CFH: variants seen among roughly 807,000 people sequenced by gnomAD.
CFH encodes the protein complement factor H.
CFH carries 53 observed loss-of-function variants against 147.3 expected under a neutral mutation model. The ratio of observed to expected loss-of-function variants is 0.36; its 90% confidence interval spans 0.29 to 0.45. The LOEUF is 0.45. Among genes scored for constraint, CFH ranks in the 20% least tolerant of loss-of-function variants. The pLI, the probability that CFH is intolerant of heterozygous loss-of-function variation, is 1.00. For missense variants in CFH, 1,380 were observed against 1,498.0 expected (o/e 0.92, Z 1.30); for synonymous variants, 536 against 489.4 (o/e 1.10, Z -1.26).
chr1:196,673,096 T>G lies in CFH; in HGVS notation c.177T>G (p.Leu59=). 6.2e-7 allele frequency: 1 copy of G among 1,613,986 alleles called. No homozygotes were observed. The highest frequency in any genetic ancestry group is 8.5e-7 in the Non-Finnish European group (1 of 1,179,914). The part of the protein sequence containing the change: ...IYKCRPGYRS[L]GNVIMVCRKG... ...AATGCCGCCCTGGATATAGATCTCT[T>G]GGAAATGTAATAATGGTATGCAGGA... is the stretch of plus-strand genomic sequence containing the variant. The change falls in exon 2 of 22, where the codon CTT becomes CTG. Residue 59 remains leucine (L), a synonymous_variant. Transcript: ENST00000367429.
intron 2 of CFH, 89 bp from the exon 3 acceptor site, chr1:196,673,768 T>C (rs369474820): frequency 1.4e-5 from 12 of 831,664 alleles, no homozygotes; most frequent in East Asian, 7.3e-5. Context: ...TCTTCTTATA[T>C]AATATCAAAT....
At chr1:196,711,118 A>C (rs149480507) in intron 9 of CFH, among the ~76,000 whole-genome samples, 2,412 of 152,218 alleles carry the variant, frequency 0.016, 19 homozygotes, top group Non-Finnish European at 0.02. Flanking sequence ...AATTATAGAG[A>C]TCTAAAATAA....
chr1:196,708,274 A>G (rs1668642213), intron 9 of CFH, among the ~76,000 whole-genome samples: 1 of 152,154 alleles, frequency 6.6e-6, no homozygotes, highest in Non-Finnish European at 1.5e-5. Flanking sequence ...TGTTAGTCAT[A>G]CTTGTCACTG....
At chr1:196,746,747 C>T (rs780313452) in intron 21 of CFH, among the ~76,000 whole-genome samples, 4 of 152,094 alleles carry the variant, frequency 2.6e-5, no homozygotes, top group Non-Finnish European at 5.9e-5. Context: ...ATCACTAGAT[C>T]TCTATGTTTG....
intron 4 of CFH, among the ~76,000 whole-genome samples, 190 bp downstream of exon 4, chr1:196,676,255 G>T (rs1039716043): frequency 6.6e-6 from 1 of 151,802 alleles, no homozygotes; most frequent in South Asian, 2.1e-4. Context: ...AAAAACGAAT[G>T]CAGCCTGATC....
intron 11 of CFH, among the ~76,000 whole-genome samples, chr1:196,719,247 AC>A (rs1199908926): frequency 6.6e-6 from 1 of 152,046 alleles, no homozygotes; most frequent in East Asian, 1.9e-4. Flanking sequence ...TTTGAATAAT[AC>A]CCAATAATCA....
intron 15 of CFH, among the ~76,000 whole-genome samples, chr1:196,732,387 G>T (rs1279384057): frequency 6.6e-6 from 1 of 151,688 alleles, no homozygotes; most frequent in Non-Finnish European, 1.5e-5. Flanking sequence ...ATTTGTTTTT[G>T]CATTGCTCTC....
intron 21 of CFH, among the ~76,000 whole-genome samples, chr1:196,746,278 C>G (rs577604963): frequency 7.2e-5 from 11 of 152,072 alleles, no homozygotes; most frequent in Non-Finnish European, 1.6e-4. Context: ...AACCCCGTCT[C>G]TACTAAAAAT....
chr1:196,704,621 A>G (rs1296690585), intron 9 of CFH, among the ~76,000 whole-genome samples: 2 of 152,214 alleles, frequency 1.3e-5, no homozygotes, highest in African/African-American at 4.8e-5. Flanking sequence ...CTGCATCTCC[A>G]GTACAAGTCA....
At chr1:196,701,962 C>G (rs1668467485) in intron 9 of CFH, among the ~76,000 whole-genome samples, 1 of 152,012 alleles carries the variant, frequency 6.6e-6, no homozygotes, top group African/African-American at 2.4e-5. Context: ...GATCCTGTAG[C>G]TAGATTTGTT....
At chr1:196,670,784 T>G (rs918895610) in intron 1 of CFH, among the ~76,000 whole-genome samples, 5 of 152,230 alleles carry the variant, frequency 3.3e-5, no homozygotes, top group Admixed American at 3.3e-4. Context: ...TAGGTTTTCT[T>G]GGTATACAGC....
intron 11 of CFH, among the ~76,000 whole-genome samples, chr1:196,716,097 T>C (rs1668864549): frequency 6.6e-6 from 1 of 152,142 alleles, no homozygotes; most frequent in East Asian, 1.9e-4. Context: ...CCTCAGCTAA[T>C]TTGTTTTTTT....
chr1:196,664,663 T>A (rs1164075294), intron 1 of CFH, among the ~76,000 whole-genome samples: 1 of 152,202 alleles, frequency 6.6e-6, no homozygotes, highest in African/African-American at 2.4e-5. Context: ...AGAAAATATA[T>A]ACTGACTTTC....
chr1:196,701,282 A>T (rs761700050), intron 9 of CFH: 64 of 1,613,608 alleles, frequency 4.0e-5, no homozygotes, highest in Non-Finnish European at 5.3e-5. Flanking sequence ...AGCAAGCCTA[A>T]CTCAGGGTAA....
chr1:196,670,712 G>C (rs753938862), intron 1 of CFH, among the ~76,000 whole-genome samples: 2 of 152,094 alleles, frequency 1.3e-5, no homozygotes, highest in Non-Finnish European at 2.9e-5. Flanking sequence ...TGCAAAAATG[G>C]ACTAATACAA....
At chr1:196,724,394 T>C (rs1434734274) in intron 11 of CFH, among the ~76,000 whole-genome samples, 2 of 152,040 alleles carry the variant, frequency 1.3e-5, no homozygotes, top group Non-Finnish European at 2.9e-5. Flanking sequence ...CCTATTCAAC[T>C]AGTAGTTTGG....
intron 1 of CFH, among the ~76,000 whole-genome samples, chr1:196,662,710 C>T (rs941977162): frequency 3.3e-5 from 5 of 151,732 alleles, no homozygotes; most frequent in African/African-American, 9.7e-5. Context: ...GGCAAAACCT[C>T]GTCTCTACAA....
rs1300818488 is a variant in CFH at position 196,746,005 on chromosome 1, T to A, written c.3493+6T>A. The A allele has an allele frequency of 7.4e-6, 12 of 1,613,946 alleles. No individual in the cohort carries two copies. Among genetic ancestry groups the A allele is most frequent in the African/African-American group, 1.3e-5 (1 of 74,934 alleles). ...AGAACCACCAAAATGCTTACGTAAG[T>A]ACTTTAATATTCACGTGGCTGGAAA... On this transcript the variant is annotated splice_donor_region_variant and intron_variant, in intron 21 of 21. Transcript: ENST00000367429.
intron 9 of CFH, among the ~76,000 whole-genome samples, chr1:196,692,565 T>G (rs913244994): frequency 3.1e-4 from 26 of 84,182 alleles, no homozygotes; most frequent in Non-Finnish European, 5.4e-4. Context: ...TCTTTCTTCT[T>G]TCTTTCTTTT....
Sources: gnomAD v4.1 joint callset for allele counts (sites outside exome capture counted in the v4.1 genomes callset) on GRCh38, gnomAD v4.1.1 for gene constraint, MANE v1.5 for transcripts, NCBI Gene and HGNC (gene_info 2026-07-23, HGNC 2026-07-21) for gene names.